The following FRMPD2 variants were observed in gnomAD, a reference collection of about 807,000 sequenced individuals.
FRMPD2 encodes the protein FERM and PDZ domain containing 2.
FRMPD2 carries 96 observed loss-of-function variants against 140.1 expected under a neutral mutation model. The ratio of observed to expected loss-of-function variants is 0.69; its 90% CI spans 0.58 to 0.81. FRMPD2 has a LOEUF of 0.81. FRMPD2 is among the 40% of genes least tolerant of loss of function. The pLI is 0.00. For missense variants in FRMPD2, 1,240 were observed against 1,447.4 expected (o/e 0.86, Z 2.32); for synonymous variants, 449 against 547.6 (o/e 0.82, Z 2.52).
intron 1 of FRMPD2, among the ~76,000 whole-genome samples, chr10:48,255,225 G>A (rs1430969090): frequency 6.6e-6 from 1 of 152,132 alleles, no homozygotes; most frequent in Non-Finnish European, 1.5e-5. Context: ...TTTGCCATTG[G>A]AGATCCCACT....
At chr10:48,256,277 C>T (rs984506794) in intron 1 of FRMPD2, among the ~76,000 whole-genome samples, 5 of 152,142 alleles carry the variant, frequency 3.3e-5, no homozygotes, top group African/African-American at 1.2e-4. Context: ...AGTCAATCCC[C>T]GAGTGTCAGC....
intron 9 of FRMPD2, among the ~76,000 whole-genome samples, chr10:48,235,106 C>T (rs866141788): frequency 1.3e-5 from 2 of 152,138 alleles, no homozygotes; most frequent in South Asian, 2.1e-4. Flanking sequence ...TTGCAAGCCC[C>T]ATACAGGAAG....
At chr10:48,248,826 G>A (rs1840311080) in intron 3 of FRMPD2, 195 bp downstream of exon 3, 1 of 440,368 alleles carries the variant, frequency 2.3e-6, no homozygotes. Flanking sequence ...GCTCAGAGAA[G>A]TGGACTTGCC....
At chr10:48,186,003 T>C (rs1459412254) in intron 17 of FRMPD2, among the ~76,000 whole-genome samples, 2 of 152,208 alleles carry the variant, frequency 1.3e-5, no homozygotes, top group African/African-American at 2.4e-5. Flanking sequence ...GTATTAATAA[T>C]TGCTGAGAGT....
intron 3 of FRMPD2, among the ~76,000 whole-genome samples, chr10:48,246,645 T>C (rs1325905111): frequency 6.6e-6 from 1 of 152,166 alleles, no homozygotes; most frequent in East Asian, 1.9e-4. Context: ...CAGTGCACTG[T>C]TTAGGGCAGA....
chr10:48,222,693 T>C (rs1482611477), intron 11 of FRMPD2, among the ~76,000 whole-genome samples: 8 of 152,236 alleles, frequency 5.3e-5, no homozygotes, highest in South Asian at 2.1e-4. Context: ...AGGTGTTTCT[T>C]GCTCTGGTTT....
chr10:48,158,184 T>G (rs1164393698), intron 28 of FRMPD2, among the ~76,000 whole-genome samples: 1 of 150,430 alleles, frequency 6.6e-6, no homozygotes, highest in Non-Finnish European at 1.5e-5. Context: ...TCATCTGAGG[T>G]TCAACCAAAG....
At chr10:48,249,499 G>A (rs1027477291) in intron 2 of FRMPD2, among the ~76,000 whole-genome samples, 1 of 152,312 alleles carries the variant, frequency 6.6e-6, no homozygotes, top group East Asian at 1.9e-4. Flanking sequence ...GACAGACCAG[G>A]ATCCAAGGCA....
intron 12 of FRMPD2, among the ~76,000 whole-genome samples, chr10:48,217,983 C>T (rs1412080668): frequency 6.6e-6 from 1 of 152,160 alleles, no homozygotes. Context: ...AATAGAAGTT[C>T]ATTTTCTCAT....
At chr10:48,186,724 C>CA (rs1838697721) in intron 17 of FRMPD2, among the ~76,000 whole-genome samples, 1 of 152,342 alleles carries the variant, frequency 6.6e-6, no homozygotes, top group South Asian at 2.1e-4. Context: ...ATCCAACCCT[C>CA]AGGCTTAATG....
rs1210605879 is a variant in FRMPD2 at position 48,164,410 on chromosome 10, A to AT, written c.3538-740dup. On this transcript the variant is annotated intron_variant, in intron 27 of 28. Coordinates refer to ENST00000374201, the MANE Select transcript of FRMPD2 (RefSeq NM_001018071.4). ...TAAATAAAATCTTTAACATGTGTTC[A>AT]TTTTTATATCTGTAGGAATCATGAT... is the stretch of plus-strand genomic sequence containing the variant. Among the ~76,000 whole-genome samples, 66 of 150,960 alleles carry AT rather than the reference A, an allele frequency of 4.4e-4. 1 individual carries two copies. The highest frequency in any genetic ancestry group is 9.1e-4 in the Non-Finnish European group (62 of 67,864).
At chr10:48,187,393 G>A in intron 16 of FRMPD2, 101 bp from the exon 17 acceptor site, 1 of 928,500 alleles carries the variant, frequency 1.1e-6, no homozygotes, top group Non-Finnish European at 1.7e-6. Flanking sequence ...GCATTTCTGA[G>A]TATGGATGAT....
In FRMPD2 at chr10:48,178,073, C is replaced by A. The variant is rs782540719; in HGVS notation, c.2869G>T (p.Asp957Tyr). The A allele has an allele frequency of 5.0e-6, 8 of 1,602,996 alleles. No individual in the cohort carries two copies. The East Asian group carries it at 1.8e-4, about 36-fold the overall frequency. ...EIYFVELVKE[D>Y]GTLGFSVTGG... ...GTTACACTGAATCCAAGTGTCCCAT[C>A]TTCTTTAACCAGTTCCACAAAGTAG... is the stretch of plus-strand genomic sequence containing the variant. The change falls in exon 22 of 29, where the codon GAT (aspartate) becomes TAT (tyrosine). Residue 957 changes from aspartate (D) to tyrosine (Y), a missense_variant. This residue lies in a region of FRMPD2 where 25 missense variants were observed against 41.5 expected (regional missense o/e 0.60). Transcript: ENST00000374201.
chr10:48,202,346 A>C (rs1839106295), intron 14 of FRMPD2, among the ~76,000 whole-genome samples: 1 of 152,138 alleles, frequency 6.6e-6, no homozygotes, highest in African/African-American at 2.4e-5. Flanking sequence ...ATCTCTTTTA[A>C]TTCCTGATAG....
intron 17 of FRMPD2, among the ~76,000 whole-genome samples, chr10:48,185,995 A>G (rs1838676293): frequency 6.6e-6 from 1 of 152,214 alleles, no homozygotes; most frequent in African/African-American, 2.4e-5. Flanking sequence ...GCAGAGATGT[A>G]TTAATAATTG....
chr10:48,258,185 T>G (rs1479545989), intron 1 of FRMPD2, among the ~76,000 whole-genome samples: 1 of 152,228 alleles, frequency 6.6e-6, no homozygotes, highest in Non-Finnish European at 1.5e-5. Flanking sequence ...GAACCAGAGA[T>G]CTGAACAAAA....
At chr10:48,175,295 G>A (rs1170667569) in intron 23 of FRMPD2, among the ~76,000 whole-genome samples, 1 of 152,148 alleles carries the variant, frequency 6.6e-6, no homozygotes, top group Non-Finnish European at 1.5e-5. Context: ...TATATCTCCA[G>A]CATGTATTTT....
At position 48,242,327 on chromosome 10, in the gene FRMPD2, T is replaced by C. The variant is rs2131949303; in HGVS notation, c.401A>G (p.His134Arg). 1.2e-6 allele frequency: 2 copies of C among 1,613,466 alleles called. No homozygotes were observed. Among genetic ancestry groups the C allele is most frequent in the Non-Finnish European group, 1.7e-6 (2 of 1,179,680 alleles). The part of the protein sequence containing the change: ...HQPLQLCEPL[H>R]SILLTMCEDQ... ...TTCACACATGGTCAGCAGGATGGAG[T>C]GCAGGGGCTCGCAGAGCTGCAGGGG... is the stretch of plus-strand genomic sequence containing the variant. The change falls in exon 5 of 29, where the codon CAC (histidine) becomes CGC (arginine). Residue 134 changes from histidine to arginine, a missense_variant. Physicochemically the swap from His to Arg is conservative, Grantham distance 29. Transcript: ENST00000374201.
At chr10:48,217,596 T>G (rs1839480393) in intron 12 of FRMPD2, among the ~76,000 whole-genome samples, 1 of 152,250 alleles carries the variant, frequency 6.6e-6, no homozygotes, top group African/African-American at 2.4e-5. Flanking sequence ...CAATGTGCAT[T>G]GCATATAGAA....
Sources: allele counts gnomAD v4.1 joint callset (sites outside exome capture counted in the v4.1 genomes callset), GRCh38; gene constraint gnomAD v4.1.1; regional missense constraint gnomAD v4.1.1; transcripts MANE v1.5; gene names NCBI Gene and HGNC (gene_info 2026-07-23, HGNC 2026-07-21).